SCAPER: variants seen among roughly 807,000 people sequenced by gnomAD.
SCAPER encodes S phase cyclin A-associated protein in the endoplasmic reticulum.
Under a neutral mutation model 182.2 loss-of-function variants are expected in SCAPER, and 98 were observed. The observed-to-expected ratio is 0.54, with a 90% CI of 0.46 to 0.64. The LOEUF (loss-of-function observed/expected upper bound fraction) is 0.64, where lower values mean the gene tolerates loss of function less well. SCAPER is among the 30% of genes least tolerant of loss of function. SCAPER has a pLI of 0.00. For synonymous variants in SCAPER, 605 were observed against 564.6 expected, an observed-to-expected ratio of 1.07 and a Z score of -1.01; for missense variants, 1,432 against 1,690.0, an observed-to-expected ratio of 0.85 and a Z score of 2.68.
chr15:76,449,678 G>A (rs1054800684), intron 25 of SCAPER, among the ~76,000 whole-genome samples: 1 of 152,144 alleles, frequency 6.6e-6, no homozygotes, highest in African/African-American at 2.4e-5. Flanking sequence ...TCAAGGGCAT[G>A]TATAAAGTTT....
intron 23 of SCAPER, among the ~76,000 whole-genome samples, chr15:76,516,545 A>G (rs1400460965): frequency 3.3e-5 from 5 of 152,114 alleles, no homozygotes; most frequent in African/African-American, 9.7e-5. Flanking sequence ...ACATGAACTC[A>G]TCCTTTTTTT....
intron 22 of SCAPER, 96 bp from the exon 23 acceptor site, chr15:76,574,380 T>C: frequency 7.1e-7 from 1 of 1,407,776 alleles, no homozygotes; most frequent in East Asian, 2.5e-5. Flanking sequence ...CTTTCAGTAT[T>C]GGATTTGAAA....
intron 23 of SCAPER, among the ~76,000 whole-genome samples, chr15:76,515,511 T>G (rs1004212705): frequency 3.9e-5 from 6 of 152,132 alleles, no homozygotes; most frequent in Non-Finnish European, 4.4e-5. Context: ...AAAATTTGCT[T>G]TGGGCAAATG....
chr15:76,454,356 A>G (rs1164008969), intron 25 of SCAPER, among the ~76,000 whole-genome samples: 1 of 152,156 alleles, frequency 6.6e-6, no homozygotes, highest in Non-Finnish European at 1.5e-5. Context: ...TTCCAAGAAG[A>G]CTACAACTGT....
chr15:76,444,072 C>T (rs1273650631), intron 25 of SCAPER, among the ~76,000 whole-genome samples: 2 of 152,188 alleles, frequency 1.3e-5, no homozygotes, highest in Non-Finnish European at 2.9e-5. Context: ...AGAGTAACAC[C>T]TGGGAAAGCT....
intron 22 of SCAPER, among the ~76,000 whole-genome samples, chr15:76,618,492 G>T (rs2051705482): frequency 6.6e-6 from 1 of 152,082 alleles, no homozygotes; most frequent in South Asian, 2.1e-4. Flanking sequence ...ACATTTGTAG[G>T]AATATTTACA....
intron 14 of SCAPER, among the ~76,000 whole-genome samples, chr15:76,756,572 G>A (rs2062448937): frequency 6.6e-6 from 1 of 151,860 alleles, no homozygotes; most frequent in Admixed American, 6.5e-5. Flanking sequence ...GCAAGTCCCT[G>A]ACTCTAAAAA....
chr15:76,806,246 T>G (rs1232602644), intron 5 of SCAPER, among the ~76,000 whole-genome samples: 1 of 152,212 alleles, frequency 6.6e-6, no homozygotes, highest in South Asian at 2.1e-4. Flanking sequence ...CCAAATTCAT[T>G]TGTTGCACAC....
At chr15:76,546,742 C>T (rs1203062570) in intron 23 of SCAPER, among the ~76,000 whole-genome samples, 2 of 152,062 alleles carry the variant, frequency 1.3e-5, no homozygotes, top group African/African-American at 2.4e-5. Context: ...AATGGTAGCA[C>T]ACTGTAAGTA....
chr15:76,838,355 G>A (rs184800555), intron 5 of SCAPER, among the ~76,000 whole-genome samples: 6 of 152,170 alleles, frequency 3.9e-5, no homozygotes, highest in Admixed American at 2.0e-4. Context: ...GATTGAGTAC[G>A]CACAGAAACA....
At chr15:76,496,231 T>G (rs887431766) in intron 24 of SCAPER, among the ~76,000 whole-genome samples, 1 of 151,850 alleles carries the variant, frequency 6.6e-6, no homozygotes, top group Non-Finnish European at 1.5e-5. Context: ...AACAACCTTT[T>G]TTTTTTTAAT....
chr15:76,887,434 C>T (rs929654743), intron 1 of SCAPER, among the ~76,000 whole-genome samples: 1 of 152,118 alleles, frequency 6.6e-6, no homozygotes, highest in Admixed American at 6.5e-5. Flanking sequence ...CCTGGAAAAT[C>T]GGTACACTCT....
At chr15:76,536,588 T>C (rs993889282) in intron 23 of SCAPER, among the ~76,000 whole-genome samples, 1 of 152,172 alleles carries the variant, frequency 6.6e-6, no homozygotes, top group African/African-American at 2.4e-5. Context: ...AGCTTTAAAA[T>C]GCAAACCCAC....
Position 76,736,082 on chromosome 15 carries a change from A to G in SCAPER, c.1867-2698T>C, listed in dbSNP as rs561604176. On this transcript the variant is annotated intron_variant, in intron 15 of 31. Coordinates refer to ENST00000563290, the MANE Select transcript of SCAPER (RefSeq NM_020843.4). ...TCCAGCCCACCACAATAAACTGAGT[A>G]TCGCAATAAAGGAAGTCACATGAAT... 3.2e-3 allele frequency among the ~76,000 whole-genome samples: 483 copies of G among 152,374 alleles called. 5 individuals are homozygous for G. The highest frequency in any genetic ancestry group is 0.011 in the African/African-American group (461 of 41,582).
At chr15:76,745,324 T>G (rs2061737811) in intron 15 of SCAPER, among the ~76,000 whole-genome samples, 1 of 151,798 alleles carries the variant, frequency 6.6e-6, no homozygotes, top group African/African-American at 2.4e-5. Flanking sequence ...TGGCGTGTGC[T>G]TGTAATCTCA....
chr15:76,652,074 C>G (rs2055098373), intron 21 of SCAPER, among the ~76,000 whole-genome samples: 2 of 149,164 alleles, frequency 1.3e-5, no homozygotes, highest in African/African-American at 5.0e-5. Flanking sequence ...AATCCAACAC[C>G]CCTTCATGAT....
intron 29 of SCAPER, among the ~76,000 whole-genome samples, chr15:76,372,528 A>T (rs936669450): frequency 6.6e-6 from 1 of 152,228 alleles, no homozygotes; most frequent in Non-Finnish European, 1.5e-5. Flanking sequence ...CAGCATCAGC[A>T]GAAAAACCGT....
At chr15:76,359,538 A>G (rs2456037) in intron 29 of SCAPER, among the ~76,000 whole-genome samples, 149,120 of 152,378 alleles carry the variant, frequency 0.98, 73,046 homozygotes, top group South Asian at 1. Flanking sequence ...TTTTGAAGCT[A>G]TTGTGTTAGG....
At chr15:76,729,281 C>CAT (rs146261869) in intron 16 of SCAPER, among the ~76,000 whole-genome samples, 3 of 141,236 alleles carry the variant, frequency 2.1e-5, no homozygotes, top group African/African-American at 5.5e-5. Context: ...CACACACACA[C>CAT]ATATATATAC....
Sources: allele counts gnomAD v4.1 joint callset (sites outside exome capture counted in the v4.1 genomes callset), GRCh38; gene constraint gnomAD v4.1.1; transcripts MANE v1.5; gene names NCBI Gene and HGNC (gene_info 2026-07-23, HGNC 2026-07-21).